Variants in PGCKA1 observed in about 807,000 individuals in gnomAD.
PGCKA1 encodes the protein PDCD10 and GCKIII kinases associated 1.
the PGCKA1 span, among the ~76,000 whole-genome samples, chr4:37,557,604 T>C: frequency 0.44 from 67,201 of 152,016 alleles, 15,175 homozygotes; most frequent in African/African-American, 0.52. Flanking sequence ...CCCCAGAGGG[T>C]CCTGCCTCCT....
chr4:37,474,837 T>C, the PGCKA1 span, among the ~76,000 whole-genome samples: 1 of 152,212 alleles, frequency 6.6e-6, no homozygotes, highest in South Asian at 2.1e-4. Context: ...CACATTAAAT[T>C]AGATTTCCTC....
the PGCKA1 span, among the ~76,000 whole-genome samples, chr4:37,504,459 G>A: frequency 6.6e-6 from 1 of 151,432 alleles, no homozygotes; most frequent in Non-Finnish European, 1.5e-5. Context: ...TTCCATTTCT[G>A]TGAAGAATAT....
At chr4:37,458,102 C>T in the PGCKA1 span, among the ~76,000 whole-genome samples, 1 of 152,148 alleles carries the variant, frequency 6.6e-6, no homozygotes, top group African/African-American at 2.4e-5. Context: ...TTAAAAGTTA[C>T]TTGGTCTAAC....
chr4:37,586,092 T>C, the PGCKA1 span, among the ~76,000 whole-genome samples: 1 of 151,878 alleles, frequency 6.6e-6, no homozygotes, highest in Admixed American at 6.6e-5. Flanking sequence ...AAGACACCCC[T>C]GGTCTATGTT....
At chr4:37,463,315 G>A in the PGCKA1 span, among the ~76,000 whole-genome samples, 2 of 152,184 alleles carry the variant, frequency 1.3e-5, no homozygotes, top group African/African-American at 2.4e-5. Flanking sequence ...TGTGACAAAC[G>A]CATTTAATGC....
At chr4:37,583,441 GT>G in the PGCKA1 span, among the ~76,000 whole-genome samples, 17,473 of 146,210 alleles carry the variant, frequency 0.12, 2,765 homozygotes, top group African/African-American at 0.36. Context: ...TTTTGTTTTT[GT>G]TTTTTTTTTT....
chr4:37,460,796 T>G, the PGCKA1 span: 1 of 339,424 alleles, frequency 2.9e-6, no homozygotes, highest in Non-Finnish European at 5.7e-6. Flanking sequence ...GCCTGTTCAC[T>G]CTGATGATAG....
chr4:37,527,807 C>T, the PGCKA1 span, among the ~76,000 whole-genome samples: 2 of 148,620 alleles, frequency 1.3e-5, no homozygotes, highest in African/African-American at 5.1e-5. Flanking sequence ...TCCAGCCTGG[C>T]GACAGAGCAA....
chr4:37,570,146 A>ATTTTTTTTTTT, the PGCKA1 span, among the ~76,000 whole-genome samples: 240 of 78,914 alleles, frequency 3.0e-3, no homozygotes, highest in Middle Eastern at 8.1e-3. Context: ...CGCCTGGCTA[A>ATTTTTTTTTTT]TTTTTTTTTT....
the PGCKA1 span, among the ~76,000 whole-genome samples, chr4:37,569,013 C>T: frequency 6.6e-6 from 1 of 151,450 alleles, no homozygotes; most frequent in African/African-American, 2.4e-5. Flanking sequence ...GGGAGGATTG[C>T]TTGAGCCTGG....
the PGCKA1 span, among the ~76,000 whole-genome samples, chr4:37,563,265 C>G: frequency 6.6e-6 from 1 of 152,144 alleles, no homozygotes; most frequent in Non-Finnish European, 1.5e-5. Context: ...TTTATTTTCT[C>G]AGAGTCCTGG....
At chr4:37,536,277 C>G in the PGCKA1 span, among the ~76,000 whole-genome samples, 1 of 152,162 alleles carries the variant, frequency 6.6e-6, no homozygotes, top group African/African-American at 2.4e-5. Context: ...AATTTCACTC[C>G]CCTTGAAAGG....
At chr4:37,500,020 T>C in the PGCKA1 span, among the ~76,000 whole-genome samples, 17 of 148,372 alleles carry the variant, frequency 1.1e-4, no homozygotes, top group Admixed American at 6.3e-4. Flanking sequence ...CTTCCTGGGT[T>C]CATGCCATTC....
chr4:37,571,361 T>A, the PGCKA1 span, among the ~76,000 whole-genome samples: 1 of 128,206 alleles, frequency 7.8e-6, no homozygotes. Flanking sequence ...TATCCTTTTT[T>A]TTTTTTTTTT....
chr4:37,551,913 A>G, the PGCKA1 span, among the ~76,000 whole-genome samples: 1 of 152,254 alleles, frequency 6.6e-6, no homozygotes, highest in African/African-American at 2.4e-5. Context: ...TCTATTGCAC[A>G]AAAAGACATA....
At chr4:37,478,151 C>CG in the PGCKA1 span, among the ~76,000 whole-genome samples, 43 of 122,052 alleles carry the variant, frequency 3.5e-4, 2 homozygotes, top group East Asian at 3.3e-3. Context: ...CACCCCCCCC[C>CG]ACCGCCACTT....
At chr4:37,514,045 G>A in the PGCKA1 span, among the ~76,000 whole-genome samples, 6,040 of 152,232 alleles carry the variant, frequency 0.04, 193 homozygotes, top group Non-Finnish European at 0.057. Context: ...TGGTTTAGGA[G>A]GCTGGAAAGT....
At chr4:37,494,117 TA>T in the PGCKA1 span, among the ~76,000 whole-genome samples, 1 of 152,174 alleles carries the variant, frequency 6.6e-6, no homozygotes, top group South Asian at 2.1e-4. Context: ...GATTGCACGG[TA>T]GCTCTATTTT....
the PGCKA1 span, among the ~76,000 whole-genome samples, chr4:37,532,969 G>T: frequency 0.016 from 2,251 of 138,220 alleles, 18 homozygotes; most frequent in South Asian, 0.12. Context: ...GGGGGGAACA[G>T]TGGGAGGGGG....
Sources: gnomAD v4.1 joint callset for allele counts (sites outside exome capture counted in the v4.1 genomes callset) on GRCh38, gnomAD v4.1.1 for gene constraint, MANE v1.5 for transcripts, NCBI Gene and HGNC (gene_info 2026-07-23, HGNC 2026-07-21) for gene names.